ASB6: variants seen among roughly 807,000 people sequenced by gnomAD.
ASB6 encodes ankyrin repeat and SOCS box containing 6.
A neutral mutation model predicts 28.6 loss-of-function variants in ASB6; 24 were observed. The observed-to-expected ratio is 0.84, with a 90% CI of 0.61 to 1.18. The LOEUF is 1.18. ASB6 is among the 50% of genes most tolerant of loss of function. The probability of loss-of-function intolerance (pLI) is 0.00; values close to 1 mark genes in which losing one functional copy is unlikely to be tolerated. For missense variants in ASB6, 519 were observed against 559.8 expected (o/e 0.93, Z 0.74); for synonymous variants, 267 against 243.4 (o/e 1.10, Z -0.90).
Position 129,635,431 on chromosome 9 carries a change from G to T in ASB6, c.*2359C>A. The T allele has an allele frequency of 1.9e-6, 3 of 1,613,376 alleles. No individual in the cohort carries two copies. The highest frequency in any genetic ancestry group is 2.5e-6 in the Non-Finnish European group (3 of 1,180,016). On this transcript the variant is annotated 3_prime_UTR_variant, in exon 6 of 6. Transcript: ENST00000277458. ...AGAGGCAGGAGAACCTCCCCGATGAGATCTACCATGTCTATAGCTTTGCCC... is the reference window on the plus strand; with the variant it reads ...AGAGGCAGGAGAACCTCCCCGATGATATCTACCATGTCTATAGCTTTGCCC...
At position 129,637,819 on chromosome 9, in the gene ASB6, G is replaced by A; in HGVS notation, c.1237C>T (p.His413Tyr). ...ATGTCATCTTCCACGGAGCCACTGT[G>A]CTCGCTAAGGAGGTACCACTTCAGC... ...DRLKWYLLSE[H>Y]SGSVEDDI is the part of the protein sequence containing the mutation. The change falls in exon 6 of 6, where the codon CAC becomes TAC. Residue 413 changes from histidine to tyrosine, a missense_variant. Physicochemically the swap from His to Tyr is moderately conservative, Grantham distance 83 (BLOSUM62 2). Coordinates refer to ENST00000277458, the MANE Select transcript of ASB6 (RefSeq NM_017873.4). 1 of 1,515,370 alleles carries A rather than the reference G, an allele frequency of 6.6e-7. No individual in the cohort carries two copies. The highest frequency in any genetic ancestry group is 8.8e-7 in the Non-Finnish European group (1 of 1,132,250). The allele number at this position is 1,515,370 out of a possible 1,614,324, so 93.9% of individuals were successfully genotyped here.
Position 129,641,168 on chromosome 9 carries a change from C to G in ASB6, c.114-446G>C, listed in dbSNP as rs1831688783. The stretch of plus-strand genomic sequence containing the variant: ...AGCAACACAGCCTCCTCCCTCCCCT[C>G]ACATTGAGACCTTCAGCTGATATTG... On this transcript the variant is annotated intron_variant, in intron 1 of 5. Transcript: ENST00000277458. The G allele has an allele frequency of 2.8e-5, 5 of 181,570 alleles. No homozygotes were observed. In the South Asian group the frequency reaches 4.4e-4, roughly 16 times the overall value. The allele number at this position is 181,570 out of a possible 1,614,324, so 11.2% of individuals were successfully genotyped here.
rs139507881 is a variant in ASB6, at chr9:129,635,218, C to T, written c.*2572G>A. ...CTCTGCCCTCCCCAGGCCACCTCACCGATCAGCACCTGGCCGAGTTCCTGC... is the reference window on the plus strand; with the variant it reads ...CTCTGCCCTCCCCAGGCCACCTCACTGATCAGCACCTGGCCGAGTTCCTGC... On this transcript the variant is annotated 3_prime_UTR_variant, in exon 6 of 6. Coordinates refer to ENST00000277458, the MANE Select transcript of ASB6 (RefSeq NM_017873.4). 67 of 1,609,164 alleles carry T rather than the reference C, an allele frequency of 4.2e-5. No homozygotes were observed. Among genetic ancestry groups the T allele is most frequent in the Admixed American group, 2.3e-4 (14 of 59,990 alleles).
rs1172416874 is a variant in ASB6 at position 129,635,098 on chromosome 9, C to T, written c.*2692G>A. ...GAGCCAATGAGGCCATGTGTGCACA[C>T]AAAATGCTGGGCACAAATGAGGGGC... is the stretch of plus-strand genomic sequence containing the variant. On this transcript the variant is annotated 3_prime_UTR_variant, in exon 6 of 6. Coordinates refer to ENST00000277458, the MANE Select transcript of ASB6 (RefSeq NM_017873.4). The T allele has an allele frequency of 4.4e-5, 59 of 1,340,740 alleles. No homozygotes were observed. Among genetic ancestry groups the T allele is most frequent in the Non-Finnish European group, 6.0e-5 (59 of 978,438 alleles). 83.1% of individuals were successfully genotyped at this position (1,340,740 alleles called of 1,614,324 possible).
Position 129,640,719 on chromosome 9 carries a change from G to A in ASB6, c.117C>T (p.Pro39=). The A allele has an allele frequency of 6.2e-7, 1 of 1,613,986 alleles. No individual in the cohort carries two copies. The highest frequency in any genetic ancestry group is 1.1e-5 in the South Asian group (1 of 91,066). ...DPERQESLDR[P]SYVASEESRI... is the part of the protein sequence containing the mutation. ...GGCTCTCCTCGCTGGCGACATAACT[G>A]GGCCTGGGACAGGAGAGAGGCTGAG... The change falls in exon 2 of 6, where the codon CCC becomes CCT. Residue 39 remains proline (P), a synonymous_variant. Transcript: ENST00000277458.
In ASB6 at chr9:129,638,134, A is replaced by G; in HGVS notation, c.922T>C (p.Cys308Arg). The G allele has an allele frequency of 6.2e-7, 1 of 1,614,148 alleles. No homozygotes were observed. The highest frequency in any genetic ancestry group is 8.5e-7 in the Non-Finnish European group (1 of 1,180,020). ...SGFHIIFERL[C>R]SHPGCTEDES... The stretch of plus-strand genomic sequence containing the variant: ...TCTTCCGTGCAGCCTGGGTGGGAAC[A>G]GAGCCTCTCAAAGATGATGTGAAAG... The change falls in exon 6 of 6, where the codon TGT (cysteine) becomes CGT (arginine). Residue 308 changes from cysteine to arginine, a missense_variant. Transcript: ENST00000277458.
rs1016854513 is a variant in ASB6 at position 129,639,272 on chromosome 9, C to T, written c.441G>A (p.Glu147=). 6.2e-7 allele frequency: 1 copy of T among 1,612,888 alleles called. No individual in the cohort carries two copies. The highest frequency in any genetic ancestry group is 1.3e-5 in the African/African-American group (1 of 75,052). ...GCTGCAGGCAGGGCAGGCGCTCAGG[C>T]TCCTCGCTGGCCAGGTCCAAGGGGC... The part of the protein sequence containing the change: ...ESSPLDLASE[E]PERLPCLQRL... The change falls in exon 4 of 6, where the codon GAG becomes GAA. Residue 147 remains glutamate, a synonymous_variant. Transcript: ENST00000277458.
Position 129,639,490 on chromosome 9 carries a change from G to A in ASB6, c.314C>T (p.Thr105Met), listed in dbSNP as rs144505727. 55 of 1,612,846 alleles carry A rather than the reference G, an allele frequency of 3.4e-5. No homozygotes were observed. Among genetic ancestry groups the A allele is most frequent in the Non-Finnish European group, 4.2e-5 (50 of 1,179,252 alleles). ...CCGCAGGACGGCGATGTGCAAGGCC[G>A]TGTAGTAGGTGACTGGGTCTGAAGG... ...LNFEDPVTYYTALHIAVLRNQ... is the reference protein window; with the variant it reads ...LNFEDPVTYYMALHIAVLRNQ... The change falls in exon 3 of 6, where the codon ACG becomes ATG. Residue 105 changes from threonine (T) to methionine (M), a missense_variant. Coordinates refer to ENST00000277458, the MANE Select transcript of ASB6 (RefSeq NM_017873.4).
chr9:129,637,706 G>A lies in ASB6; in HGVS notation c.*84C>T. On this transcript the variant is annotated 3_prime_UTR_variant, in exon 6 of 6. Coordinates refer to ENST00000277458, the MANE Select transcript of ASB6 (RefSeq NM_017873.4). Reference sequence around the variant, plus strand: ...CCCGTCTCATCTCCCAGATCAAAAAGACCCTCTTCTAATGCTGTCCCAGCA... The same window carrying A: ...CCCGTCTCATCTCCCAGATCAAAAAAACCCTCTTCTAATGCTGTCCCAGCA... The A allele has an allele frequency of 2.2e-6, 3 of 1,336,822 alleles. No homozygotes were observed. The highest frequency in any genetic ancestry group is 3.0e-6 in the Non-Finnish European group (3 of 1,003,208). The allele number at this position is 1,336,822 out of a possible 1,614,324, so 82.8% of individuals were successfully genotyped here.
rs199744552 is a variant in ASB6 at position 129,638,561 on chromosome 9, C to T, written c.598+12G>A. ...GGTGAGAGGACGAGGCCTAGGAGCG[C>T]GCCAGCCTCACCTCCTTCCAGTAAG... On this transcript the variant is annotated intron_variant, in intron 5 of 5. Transcript: ENST00000277458. 14 of 1,613,752 alleles carry T rather than the reference C, an allele frequency of 8.7e-6. No homozygotes were observed. The highest frequency in any genetic ancestry group is 5.3e-5 in the African/African-American group (4 of 75,024).
In ASB6 at chr9:129,639,214, C is replaced by G. The variant is rs754625342; in HGVS notation, c.499G>C (p.Ala167Pro). The change falls in exon 4 of 6, where the codon GCT (alanine) becomes CCT (proline). Residue 167 changes from alanine (A) to proline (P), a missense_variant. Physicochemically the swap from Ala to Pro is conservative, Grantham distance 27. Coordinates refer to ENST00000277458, the MANE Select transcript of ASB6 (RefSeq NM_017873.4). ...LLDLGADVNA[A>P]DKHGKTALLH... The stretch of plus-strand genomic sequence containing the variant: ...AGGAGGCACCCACCATGCTTGTCAG[C>G]GGCATTGACATCAGCTCCAAGGTCC... The G allele has an allele frequency of 1.2e-6, 2 of 1,607,352 alleles. No individual in the cohort carries two copies. Among genetic ancestry groups the G allele is most frequent in the Admixed American group, 1.7e-5 (1 of 59,500 alleles).
intron 1 of ASB6, among the ~76,000 whole-genome samples, chr9:129,641,670 C>CGCCCTCGA (rs1831704258): frequency 6.6e-6 from 1 of 150,952 alleles, no homozygotes; most frequent in African/African-American, 2.4e-5. Context: ...CGCGGGCCTC[C>CGCCCTCGA]GCCCTCGGGC....
At position 129,638,059 on chromosome 9, in the gene ASB6, T is replaced by C. The variant is rs775175943; in HGVS notation, c.997A>G (p.Met333Val). Residue 333 changes from methionine (M) to valine (V), a missense_variant, in exon 6 of 6, where the codon ATG (methionine) becomes GTG (valine). Physicochemically the swap from Met to Val is conservative, Grantham distance 21. Transcript: ENST00000277458. ...LRKAETVLDLMVTNSQKLQLP... is the reference protein window; with the variant it reads ...LRKAETVLDLVVTNSQKLQLP... ...TGGAGTTTCTGAGAGTTGGTCACCA[T>C]GAGATCCAGGACAGTCTCAGCTTTG... 20 of 1,614,078 alleles carry C rather than the reference T, an allele frequency of 1.2e-5. No individual in the cohort carries two copies. In the South Asian group the frequency reaches 1.6e-4, roughly 13 times the overall value.
chr9:129,639,076 T>C, intron 4 of ASB6, 126 bp downstream of exon 4: 1 of 943,814 alleles, frequency 1.1e-6, no homozygotes, highest in Non-Finnish European at 1.6e-6. Context: ...TGCCCAGCCA[T>C]GCTGTGCCAC....
intron 1 of ASB6, among the ~76,000 whole-genome samples, 195 bp from the exon 2 acceptor site, chr9:129,640,917 G>T (rs1191795785): frequency 6.6e-6 from 1 of 152,168 alleles, no homozygotes; most frequent in Non-Finnish European, 1.5e-5. Flanking sequence ...AGCAGACTGG[G>T]ATTTGCGGAG....
chr9:129,635,487 G>A lies in ASB6; in HGVS notation c.*2303C>T, dbSNP rs1831496362. 1 of 1,597,472 alleles carries A rather than the reference G, an allele frequency of 6.3e-7. No homozygotes were observed. Among genetic ancestry groups the A allele is most frequent in the Non-Finnish European group, 8.6e-7 (1 of 1,169,492 alleles). ...TGAGCCGGGGCTGGCAGGAGAAACT[G>A]AGGAACCACAGTCCTGGTGGGGGGA... On this transcript the variant is annotated 3_prime_UTR_variant, in exon 6 of 6. Transcript: ENST00000277458.
In ASB6 at chr9:129,636,670, C is replaced by A. The variant is rs905026470; in HGVS notation, c.*1120G>T. 1 of 152,070 alleles carries A rather than the reference C, an allele frequency of 6.6e-6. No individual in the cohort carries two copies. The highest frequency in any genetic ancestry group is 2.4e-5 in the African/African-American group (1 of 41,392). The allele number at this position is 152,070 out of a possible 1,614,324, so 9.4% of individuals were successfully genotyped here. On this transcript the variant is annotated 3_prime_UTR_variant, in exon 6 of 6. Coordinates refer to ENST00000277458, the MANE Select transcript of ASB6 (RefSeq NM_017873.4). ...CGAGATTGCACCATTGCACTCCAGCCTGGGTGACAGAGTGTCTCGAAAAAA... is the reference window on the plus strand; with the variant it reads ...CGAGATTGCACCATTGCACTCCAGCATGGGTGACAGAGTGTCTCGAAAAAA...
At chr9:129,639,097 C>T in intron 4 of ASB6, 105 bp downstream of exon 4, 1 of 1,154,346 alleles carries the variant, frequency 8.7e-7, no homozygotes, top group Non-Finnish European at 1.2e-6. Flanking sequence ...CAGCCAGGGC[C>T]AGCATCCAGT....
rs577173847 is a variant in ASB6, at chr9:129,640,851, G to C, written c.114-129C>G. 4.5e-6 allele frequency: 5 copies of C among 1,121,426 alleles called. No individual in the cohort carries two copies. The African/African-American group carries it at 4.8e-5, about 11-fold the overall frequency. 69.5% of individuals were successfully genotyped at this position (1,121,426 alleles called of 1,614,324 possible). A position where few individuals can be genotyped will look rare whatever the true frequency, so the allele number is the denominator to read the frequency against. On this transcript the variant is annotated intron_variant, in intron 1 of 5. Coordinates refer to ENST00000277458, the MANE Select transcript of ASB6 (RefSeq NM_017873.4). ...GGGCCCTGGCTCTGTGGGTCACAGG[G>C]GCTTGGGGGAAGCTCTGAAGTAGAG...
Sources: allele counts gnomAD v4.1 joint callset (sites outside exome capture counted in the v4.1 genomes callset), GRCh38; gene constraint gnomAD v4.1.1; transcripts MANE v1.5; gene names NCBI Gene and HGNC (gene_info 2026-07-23, HGNC 2026-07-21).